The following GPR176 variants were observed in gnomAD, a reference collection of about 807,000 sequenced individuals.
GPR176 encodes the protein G protein-coupled receptor 176, also known as G-protein coupled receptor 176.
A neutral mutation model predicts 35.4 loss-of-function variants in GPR176; 26 were observed. That is an observed-to-expected ratio of 0.74 (90% CI 0.54 to 1.02). GPR176 has a LOEUF of 1.02. Among genes scored for constraint, GPR176 ranks in the 50% least tolerant of loss-of-function variants. GPR176 has a pLI of 0.00. For missense variants in GPR176, 597 were observed against 665.3 expected, an observed-to-expected ratio of 0.90 and a Z score of 1.13; for synonymous variants, 278 against 271.3, an observed-to-expected ratio of 1.02 and a Z score of -0.24.
At chr15:39,817,776 G>T (rs891916882) in intron 1 of GPR176, among the ~76,000 whole-genome samples, 1 of 152,188 alleles carries the variant, frequency 6.6e-6, no homozygotes, top group East Asian at 1.9e-4. Flanking sequence ...ATGATACCTG[G>T]AGAGTTCAAA....
intron 1 of GPR176, among the ~76,000 whole-genome samples, chr15:39,840,300 C>T (rs1463030757): frequency 1.3e-5 from 2 of 152,080 alleles, no homozygotes; most frequent in Non-Finnish European, 2.9e-5. Flanking sequence ...TTCTATGCAG[C>T]CATAAAAAAG....
chr15:39,801,255 C>T lies in GPR176; in HGVS notation c.1425G>A (p.Leu475=), dbSNP rs1302334329. ...CTGGGGTGTTGCCCAAGGGGGGAAG[C>T]AGCCGCTTCTTGCTGTTTCGGGTCT... ...LSETRNSKKR[L]LPPLGNTPEE... is the part of the protein sequence containing the mutation. The change falls in exon 3 of 3, where the codon CTG becomes CTA. Residue 475 remains leucine, a synonymous_variant. Coordinates refer to ENST00000561100, the MANE Select transcript of GPR176 (RefSeq NM_007223.3). 1 of 1,614,086 alleles carries T rather than the reference C, an allele frequency of 6.2e-7. No homozygotes were observed. Among genetic ancestry groups the T allele is most frequent in the East Asian group, 2.2e-5 (1 of 44,892 alleles).
intron 1 of GPR176, among the ~76,000 whole-genome samples, chr15:39,848,997 C>T (rs1433089991): frequency 6.8e-6 from 1 of 147,348 alleles, no homozygotes; most frequent in Non-Finnish European, 1.5e-5. Context: ...AAATTTAAAT[C>T]AGAAAAACAA....
At chr15:39,808,064 T>C (rs1251621270) in intron 1 of GPR176, among the ~76,000 whole-genome samples, 1 of 152,164 alleles carries the variant, frequency 6.6e-6, no homozygotes, top group African/African-American at 2.4e-5. Context: ...GCAAGTCTAC[T>C]CTTACCAGGT....
chr15:39,903,583 GT>G lies in GPR176; in HGVS notation c.172+16271del, dbSNP rs34778665. ...TTTCAGTGGCTACATCATATGTGAG[GT>G]TTTTTTTTTTAAGTGTGGCATCTTA... On this transcript the variant is annotated intron_variant, in intron 1 of 2. Coordinates refer to ENST00000561100, the MANE Select transcript of GPR176 (RefSeq NM_007223.3). Among the ~76,000 whole-genome samples, 418 of 148,586 alleles carry G rather than the reference GT, an allele frequency of 2.8e-3. 3 individuals are homozygous for G. Among genetic ancestry groups the G allele is most frequent in the Non-Finnish European group, 3.5e-3 (232 of 66,964 alleles).
chr15:39,908,419 A>G (rs1168483198), intron 1 of GPR176, among the ~76,000 whole-genome samples: 1 of 152,240 alleles, frequency 6.6e-6, no homozygotes, highest in Non-Finnish European at 1.5e-5. Context: ...GAACTTGTTC[A>G]TGCAAATGTA....
intron 1 of GPR176, among the ~76,000 whole-genome samples, chr15:39,909,658 C>T (rs2033524762): frequency 6.6e-6 from 1 of 152,202 alleles, no homozygotes; most frequent in Non-Finnish European, 1.5e-5. Flanking sequence ...AGTTCTGGTT[C>T]TCAAAATAAA....
intron 1 of GPR176, chr15:39,909,877 G>GTA (rs2033531110): frequency 1.0e-5 from 10 of 972,752 alleles, no homozygotes; most frequent in Non-Finnish European, 1.2e-5. Context: ...ATTACCTGTT[G>GTA]TATATTTCAT....
At chr15:39,841,675 T>C (rs554051879) in intron 1 of GPR176, among the ~76,000 whole-genome samples, 77 of 152,284 alleles carry the variant, frequency 5.1e-4, no homozygotes, top group Admixed American at 4.1e-3. Context: ...CCAACATTGA[T>C]TTCAGACTTC....
chr15:39,893,773 G>A (rs543188105), intron 1 of GPR176, among the ~76,000 whole-genome samples: 68 of 144,268 alleles, frequency 4.7e-4, no homozygotes, highest in Middle Eastern at 7.5e-3. Flanking sequence ...CGGCTGGCCA[G>A]GCGGGGGCTG....
At chr15:39,824,650 A>G (rs1900502765) in intron 1 of GPR176, among the ~76,000 whole-genome samples, 1 of 152,246 alleles carries the variant, frequency 6.6e-6, no homozygotes, top group Non-Finnish European at 1.5e-5. Context: ...TCTGGTAACC[A>G]TGAACACTAA....
intron 1 of GPR176, among the ~76,000 whole-genome samples, chr15:39,875,993 A>G (rs1373381431): frequency 6.7e-6 from 1 of 150,178 alleles, no homozygotes; most frequent in Non-Finnish European, 1.5e-5. Flanking sequence ...TTAAATATAT[A>G]TATGTATTTA....
At chr15:39,827,962 T>A (rs979271631) in intron 1 of GPR176, among the ~76,000 whole-genome samples, 42 of 152,308 alleles carry the variant, frequency 2.8e-4, no homozygotes, top group Non-Finnish European at 5.6e-4. Flanking sequence ...GAGAAATATG[T>A]GGAAGGCTAC....
At chr15:39,851,723 G>A (rs1204068919) in intron 1 of GPR176, among the ~76,000 whole-genome samples, 6 of 152,276 alleles carry the variant, frequency 3.9e-5, no homozygotes, top group South Asian at 2.1e-4. Context: ...GCAATTTCAC[G>A]CACCAAAATG....
chr15:39,847,377 G>A (rs1403975630), intron 1 of GPR176, among the ~76,000 whole-genome samples: 1 of 152,108 alleles, frequency 6.6e-6, no homozygotes, highest in Non-Finnish European at 1.5e-5. Flanking sequence ...CTATCTCCAA[G>A]AGACTCACTT....
intron 1 of GPR176, among the ~76,000 whole-genome samples, chr15:39,883,078 A>G (rs1317892653): frequency 6.6e-6 from 1 of 152,158 alleles, no homozygotes; most frequent in African/African-American, 2.4e-5. Flanking sequence ...AGACTTGTAG[A>G]CTTCGTACGT....
At chr15:39,902,127 A>G (rs572918927) in intron 1 of GPR176, among the ~76,000 whole-genome samples, 1 of 152,254 alleles carries the variant, frequency 6.6e-6, no homozygotes, top group African/African-American at 2.4e-5. Context: ...TGTCAAACCC[A>G]CTAAAACAGA....
chr15:39,918,057 A>AG (rs1432471016), intron 1 of GPR176, among the ~76,000 whole-genome samples: 1 of 151,314 alleles, frequency 6.6e-6, no homozygotes, highest in Non-Finnish European at 1.5e-5. Flanking sequence ...AAAAAAAAAA[A>AG]AAAAAAAGAC....
chr15:39,838,804 T>C (rs994986010), intron 1 of GPR176, among the ~76,000 whole-genome samples: 1 of 152,144 alleles, frequency 6.6e-6, no homozygotes, highest in Non-Finnish European at 1.5e-5. Flanking sequence ...ACCACTCCTA[T>C]TCAACATAGT....
Sources: gnomAD v4.1 joint callset for allele counts (sites outside exome capture counted in the v4.1 genomes callset) on GRCh38, gnomAD v4.1.1 for gene constraint, MANE v1.5 for transcripts, NCBI Gene and HGNC (gene_info 2026-07-23, HGNC 2026-07-21) for gene names.